Variants in ANKMY1 observed in about 807,000 individuals in gnomAD.
ANKMY1 encodes the protein ankyrin repeat and MYND domain containing 1.
Under a neutral mutation model 102.0 loss-of-function variants are expected in ANKMY1, and 98 were observed. That is an observed-to-expected ratio of 0.96 (90% CI 0.82 to 1.14). ANKMY1 has a LOEUF of 1.14. Among genes scored for constraint, ANKMY1 ranks in the 50% most tolerant of loss-of-function variants. The pLI is 0.00. For synonymous variants in ANKMY1, 582 were observed against 559.9 expected (o/e 1.04, Z -0.56); for missense variants, 1,330 against 1,347.6 (o/e 0.99, Z 0.20).
At chr2:240,543,222 G>A (rs1329276292) in intron 4 of ANKMY1, among the ~76,000 whole-genome samples, 8 of 151,782 alleles carry the variant, frequency 5.3e-5, no homozygotes, top group African/African-American at 7.2e-5. Flanking sequence ...GTGTGGTGGC[G>A]GGCACCTGTA....
intron 13 of ANKMY1, among the ~76,000 whole-genome samples, chr2:240,505,692 G>A (rs1172997938): frequency 6.6e-6 from 1 of 152,116 alleles, no homozygotes; most frequent in Admixed American, 6.6e-5. Flanking sequence ...TCCTTGTACT[G>A]CTTTCAACTT....
intron 15 of ANKMY1, among the ~76,000 whole-genome samples, chr2:240,491,422 A>G (rs2076642872): frequency 6.6e-6 from 1 of 152,044 alleles, no homozygotes; most frequent in African/African-American, 2.4e-5. Flanking sequence ...TTCCTTTCTT[A>G]TACTTTGGCA....
intron 15 of ANKMY1, among the ~76,000 whole-genome samples, chr2:240,495,407 T>A (rs2077127604): frequency 6.6e-6 from 1 of 152,184 alleles, no homozygotes; most frequent in Non-Finnish European, 1.5e-5. Flanking sequence ...CTGGTCCACT[T>A]TCATGTTCCA....
intron 7 of ANKMY1, 112 bp from the exon 8 acceptor site, chr2:240,524,493 G>T: frequency 8.0e-7 from 1 of 1,250,642 alleles, no homozygotes; most frequent in Non-Finnish European, 1.1e-6. Context: ...CTTCAAAGCA[G>T]CTAGGCTGAA....
At chr2:240,482,524 T>C (rs1407183757) in intron 15 of ANKMY1, among the ~76,000 whole-genome samples, 1 of 152,262 alleles carries the variant, frequency 6.6e-6, no homozygotes, top group Admixed American at 6.5e-5. Context: ...GTCTTCTTTT[T>C]AATTCATTTC....
intron 9 of ANKMY1, among the ~76,000 whole-genome samples, chr2:240,515,726 A>AT (rs1048394665): frequency 5.3e-5 from 8 of 150,730 alleles, no homozygotes; most frequent in Non-Finnish European, 8.9e-5. Context: ...ATAAAAGATA[A>AT]TTTTTTTTTG....
chr2:240,540,827 C>T (rs1298419051), intron 4 of ANKMY1, among the ~76,000 whole-genome samples: 3 of 152,236 alleles, frequency 2.0e-5, no homozygotes, highest in Non-Finnish European at 4.4e-5. Flanking sequence ...CGTGCATCAG[C>T]ATTGCTGAAG....
In ANKMY1 at chr2:240,523,916, T is replaced by A. The variant is rs1288553854; in HGVS notation, c.1801A>T (p.Thr601Ser). The A allele has an allele frequency of 6.2e-7, 1 of 1,613,548 alleles. No homozygotes were observed. Among genetic ancestry groups the A allele is most frequent in the South Asian group, 1.1e-5 (1 of 91,086 alleles). Reference sequence around the variant, plus strand: ...ATGGACAGCGCCATCCTCCGCATGGTCCCTTTGTCGAAGCTGCTGGTGCAC... The same window carrying A: ...ATGGACAGCGCCATCCTCCGCATGGACCCTTTGTCGAAGCTGCTGGTGCAC... ...SPCTSSFDKGTMRRMALSMIE... is the reference protein window; with the variant it reads ...SPCTSSFDKGSMRRMALSMIE... Residue 601 changes from threonine to serine, a missense_variant, in exon 8 of 18, where the codon ACC (threonine) becomes TCC (serine). Transcript: ENST00000401804.
rs370595326 is a variant in ANKMY1, at chr2:240,501,621, T to G, written c.2527-1056A>C. 6.6e-5 allele frequency among the ~76,000 whole-genome samples: 10 copies of G among 152,326 alleles called. No homozygotes were observed. In the South Asian group the frequency reaches 2.1e-3, roughly 32 times the overall value. On this transcript the variant is annotated intron_variant, in intron 13 of 17. Coordinates refer to ENST00000401804, the MANE Select transcript of ANKMY1 (RefSeq NM_001282771.3). ...CTCCCCCAGTGAGATCCTCACACTCTGTGACATGCGTAACACACATTCCAC... is the reference window on the plus strand; with the variant it reads ...CTCCCCCAGTGAGATCCTCACACTCGGTGACATGCGTAACACACATTCCAC...
the ANKMY1 span, among the ~76,000 whole-genome samples, chr2:240,473,343 C>G: frequency 6.8e-6 from 1 of 147,966 alleles, no homozygotes; most frequent in Non-Finnish European, 1.5e-5. Context: ...TAAAAAAGAA[C>G]CAAATAGAAG....
chr2:240,525,973 G>A (rs893397225), intron 6 of ANKMY1, 124 bp from the exon 7 acceptor site: 60 of 1,284,614 alleles, frequency 4.7e-5, no homozygotes, highest in Middle Eastern at 2.1e-4. Flanking sequence ...GTGCTCATTC[G>A]GGAGCTTGGC....
Position 240,529,110 on chromosome 2 carries a change from C to T in ANKMY1, c.880G>A (p.Asp294Asn), listed in dbSNP as rs1253054380. Residue 294 changes from aspartate to asparagine, a missense_variant, in exon 5 of 18, where the codon GAT becomes AAT. By Grantham distance (23) the Asp-to-Asn change is conservative. Transcript: ENST00000401804. This position sits in a 1 kb window ranked among gnomAD's most constrained non-coding sequence, Gnocchi z 4.2. ...TTGATTATGAACCATGGTTCTCCAT[C>T]CTCAACGAACGGAGGAATTTCATTG... ...FLNEIPPFVE[D>N]GEPWFIINET... is the part of the protein sequence containing the mutation. 1 of 1,614,242 alleles carries T rather than the reference C, an allele frequency of 6.2e-7. No individual in the cohort carries two copies. The highest frequency in any genetic ancestry group is 1.7e-5 in the Admixed American group (1 of 60,032).
intron 4 of ANKMY1, among the ~76,000 whole-genome samples, chr2:240,530,773 G>A (rs963250169): frequency 6.6e-6 from 1 of 152,096 alleles, no homozygotes; most frequent in Non-Finnish European, 1.5e-5. Flanking sequence ...AATTGTGCTG[G>A]TGTGATGACG....
chr2:240,546,380 C>A (rs1387545599), intron 4 of ANKMY1, among the ~76,000 whole-genome samples: 1 of 152,164 alleles, frequency 6.6e-6, no homozygotes, highest in Non-Finnish European at 1.5e-5. Context: ...TGGAAAGGAA[C>A]AACTGATACC....
intron 4 of ANKMY1, among the ~76,000 whole-genome samples, chr2:240,536,305 C>A (rs1435577326): frequency 6.6e-6 from 1 of 151,482 alleles, no homozygotes; most frequent in African/African-American, 2.4e-5. Flanking sequence ...TGGAAAAAAT[C>A]GATGAACTGG....
At chr2:240,486,148 T>C (rs1025080791) in intron 15 of ANKMY1, among the ~76,000 whole-genome samples, 3 of 152,218 alleles carry the variant, frequency 2.0e-5, no homozygotes, top group Non-Finnish European at 4.4e-5. Context: ...TCATTTACCA[T>C]TTCTGGATCT....
At position 240,526,384 on chromosome 2, in the gene ANKMY1, A is replaced by G. The variant is rs757252599; in HGVS notation, c.1015T>C (p.Phe339Leu). Reference protein sequence around the residue: ...GAILEGKRSGFAPCGPKEQLS... With the variant: ...GAILEGKRSGLAPCGPKEQLS... ...TGCTCTTTGGGCCCACAGGGTGCAA[A>G]GCCACTGCGCTTCCCCTCCAGGATG... The change falls in exon 6 of 18, where the codon TTT (phenylalanine) becomes CTT (leucine). Residue 339 changes from phenylalanine (F) to leucine (L), a missense_variant. Transcript: ENST00000401804. 4 of 1,614,186 alleles carry G rather than the reference A, an allele frequency of 2.5e-6. No individual in the cohort carries two copies. Among genetic ancestry groups the G allele is most frequent in the East Asian group, 2.2e-5 (1 of 44,884 alleles).
At chr2:240,536,372 G>GA (rs1384518730) in intron 4 of ANKMY1, among the ~76,000 whole-genome samples, 1 of 152,098 alleles carries the variant, frequency 6.6e-6, no homozygotes, top group Non-Finnish European at 1.5e-5. Context: ...TTTCTTTGGG[G>GA]AAAATGAATA....
chr2:240,483,066 T>C (rs2075615229), intron 15 of ANKMY1, among the ~76,000 whole-genome samples: 1 of 152,248 alleles, frequency 6.6e-6, no homozygotes, highest in African/African-American at 2.4e-5. Flanking sequence ...TTTGTAAATC[T>C]ATTTTTTCTG....
Sources: gnomAD v4.1 joint callset for allele counts (sites outside exome capture counted in the v4.1 genomes callset) on GRCh38, gnomAD v4.1.1 for gene constraint, Gnocchi (gnomAD v3.1) non-coding constraint, MANE v1.5 for transcripts, NCBI Gene and HGNC (gene_info 2026-07-23, HGNC 2026-07-21) for gene names.